Variants in ZNF335 observed in about 807,000 individuals in gnomAD.
The protein encoded by ZNF335 is zinc finger protein 335.
A neutral mutation model predicts 145.6 loss-of-function variants in ZNF335; 84 were observed. The ratio of observed to expected loss-of-function variants is 0.58; its 90% CI spans 0.48 to 0.69. The LOEUF is 0.69. Among genes scored for constraint, ZNF335 ranks in the 30% least tolerant of loss-of-function variants. ZNF335 has a pLI of 0.00. For missense variants in ZNF335, 1,865 were observed against 1,809.7 expected (o/e 1.03, Z -0.55); for synonymous variants, 761 against 717.0 (o/e 1.06, Z -0.98).
In ZNF335 at chr20:45,963,625, G is replaced by A; in HGVS notation, c.1381C>T (p.Leu461Phe). Reference protein sequence around the residue: ...RKYYYKSPKPLLRPFLCRICG... With the variant: ...RKYYYKSPKPFLRPFLCRICG... ...ATGCGGCACAGGAAGGGCCTCAAAA[G>A]TGGTTTGGGCGACTTGTAATAGTAC... Residue 461 changes from leucine to phenylalanine, a missense_variant, in exon 9 of 28, where the codon CTT becomes TTT. Leu to Phe is a conservative substitution (Grantham distance 22). Transcript: ENST00000322927. The A allele has an allele frequency of 6.2e-7, 1 of 1,614,242 alleles. No homozygotes were observed.
chr20:45,953,116 T>TG (rs1293472505), intron 18 of ZNF335, among the ~76,000 whole-genome samples: 1 of 152,202 alleles, frequency 6.6e-6, no homozygotes, highest in African/African-American at 2.4e-5. Flanking sequence ...GCCAAGGGCA[T>TG]GGGCCTGGGG....
In ZNF335 at chr20:45,949,830, G is replaced by C. The variant is rs191074858; in HGVS notation, c.3639C>G (p.Thr1213=). 1.2e-6 allele frequency: 2 copies of C among 1,614,084 alleles called. No individual in the cohort carries two copies. Among genetic ancestry groups the C allele is most frequent in the South Asian group, 1.1e-5 (1 of 91,082 alleles). Residue 1213 remains threonine, a synonymous_variant, in exon 24 of 28, where the codon ACC becomes ACG. Transcript: ENST00000322927. ...IQEITTADGQ[T]VQHLVTSDNQ... ...TGTCGGAGGTCACCAGGTGCTGTAC[G>C]GTCTGGCCATCTGCCGTGGTGATCT...
chr20:45,963,565 G>C lies in ZNF335; in HGVS notation c.1441C>G (p.Arg481Gly), dbSNP rs141481390. 117 of 1,614,100 alleles carry C rather than the reference G, an allele frequency of 7.2e-5. No homozygotes were observed. Among genetic ancestry groups the C allele is most frequent in the Non-Finnish European group, 1.0e-5 (12 of 1,180,052 alleles). The change falls in exon 9 of 28, where the codon CGC (arginine) becomes GGC (glycine). Residue 481 changes from arginine (R) to glycine (G), a missense_variant. Physicochemically the swap from Arg to Gly is moderately radical, Grantham distance 125. Coordinates refer to ENST00000322927, the MANE Select transcript of ZNF335 (RefSeq NM_022095.4). ...GSRFLSHEDLRFHVNSHEAGD... is the reference protein window; with the variant it reads ...GSRFLSHEDLGFHVNSHEAGD... ...GCCTCATGGGAGTTGACGTGGAAGC[G>C]CAGGTCCTCGTGGGACAGAAAGCGA...
At position 45,962,801 on chromosome 20, in the gene ZNF335, G is replaced by GTTT. The variant is rs1445107629; in HGVS notation, c.1534-622_1534-620dup. On this transcript the variant is annotated intron_variant, in intron 9 of 27. Coordinates refer to ENST00000322927, the MANE Select transcript of ZNF335 (RefSeq NM_022095.4). Reference sequence around the variant, plus strand: ...CTTGTGTTAAGGAGAAAAAGGAACCGTTTTTTTTTTTTTGTTTGTTTGTTT... The same window carrying GTTT: ...CTTGTGTTAAGGAGAAAAAGGAACCGTTTTTTTTTTTTTTTTGTTTGTTTGTTT... Among the ~76,000 whole-genome samples, 192 of 93,550 alleles carry GTTT rather than the reference G, an allele frequency of 2.1e-3. 24 individuals carry two copies. The highest frequency in any genetic ancestry group is 6.2e-3 in the African/African-American group (128 of 20,676). The allele number at this position is 93,550 out of a possible 152,430, so 61.4% of individuals were successfully genotyped here. A position where few individuals can be genotyped will look rare whatever the true frequency, so the allele number is the denominator to read the frequency against.
chr20:45,961,889 G>A, intron 10 of ZNF335, 181 bp downstream of exon 10: 1 of 593,572 alleles, frequency 1.7e-6, no homozygotes, highest in Middle Eastern at 4.5e-4. Flanking sequence ...GCCTGGTACT[G>A]TCCTGTTCTA....
Position 45,967,541 on chromosome 20 carries a change from T to G in ZNF335, c.908A>C (p.Glu303Ala). Residue 303 changes from glutamate to alanine, a missense_variant, in exon 6 of 28, where the codon GAG becomes GCG. By Grantham distance (107) the Glu-to-Ala change is moderately radical. Transcript: ENST00000322927. ...KSQEEEGPEE[E>A]DDDDIVDAGA... ...AGCGTCTACAATGTCATCATCGTCC[T>G]CCTCCTCTGGTCCCTCTTCCTCTTG... 1.9e-6 allele frequency: 3 copies of G among 1,613,940 alleles called. No individual in the cohort carries two copies. Among genetic ancestry groups the G allele is most frequent in the Non-Finnish European group, 2.5e-6 (3 of 1,179,964 alleles).
intron 3 of ZNF335, 27 bp downstream of exon 3, chr20:45,969,424 C>T (rs370436635): frequency 6.7e-7 from 1 of 1,491,094 alleles, no homozygotes; most frequent in Admixed American, 2.1e-5. Context: ...CAGGAAAACC[C>T]CTGTGGGGCT....
In ZNF335 at chr20:45,949,082, T is replaced by C. The variant is rs777070688; in HGVS notation, c.3902-2A>G. 4.3e-6 allele frequency: 7 copies of C among 1,613,726 alleles called. No homozygotes were observed. In the South Asian group the frequency reaches 7.7e-5, roughly 18 times the overall value. On this transcript the variant is annotated splice_acceptor_variant, in intron 27 of 27. Coordinates refer to ENST00000322927, the MANE Select transcript of ZNF335 (RefSeq NM_022095.4). LOFTEE classifies it high-confidence loss of function. ...GGGCCATGGCAGCATCAGCCACTGCTGCCAGGGGAGGGGAAAGTATGGTGA... is the reference window on the plus strand; with the variant it reads ...GGGCCATGGCAGCATCAGCCACTGCCGCCAGGGGAGGGGAAAGTATGGTGA...
At chr20:45,968,063 T>C (rs1268975979) in intron 4 of ZNF335, 36 bp from the exon 5 acceptor site, 2 of 1,610,900 alleles carry the variant, frequency 1.2e-6, no homozygotes, top group African/African-American at 1.3e-5. Context: ...GGTGGTTAAA[T>C]GGAGGGCAGC....
chr20:45,972,202 C>T lies in ZNF335; in HGVS notation c.-131G>A, dbSNP rs547485753. On this transcript the variant is annotated 5_prime_UTR_variant, in exon 1 of 28. Transcript: ENST00000322927. ...CCTCTTTCCTCCGCTGCGGAGGAAC[C>T]CATCGGCCTATTGTAGGCCGGAACT... 850 of 1,287,964 alleles carry T rather than the reference C, an allele frequency of 6.6e-4. 9 individuals are homozygous for T. The South Asian group carries it at 1.0e-2, about 15-fold the overall frequency. The allele number at this position is 1,287,964 out of a possible 1,614,324, so 79.8% of individuals were successfully genotyped here.
At chr20:45,952,817 G>T in intron 18 of ZNF335, 108 bp from the exon 19 acceptor site, 1 of 946,318 alleles carries the variant, frequency 1.1e-6, no homozygotes, top group Non-Finnish European at 1.6e-6. Context: ...ATGGACTCAA[G>T]TCAGAAGGGC....
chr20:45,954,349 G>C (rs943440489), intron 17 of ZNF335, among the ~76,000 whole-genome samples: 14 of 152,164 alleles, frequency 9.2e-5, no homozygotes, highest in African/African-American at 3.4e-4. Flanking sequence ...CTGCAGACAA[G>C]AAATACTGGG....
chr20:45,968,156 G>C, intron 4 of ZNF335, 129 bp from the exon 5 acceptor site: 1 of 1,504,800 alleles, frequency 6.6e-7, no homozygotes, highest in Non-Finnish European at 9.1e-7. Context: ...CAACCCGTCA[G>C]TAGGAAAACT....
chr20:45,969,754 C>A (rs1215934747), intron 2 of ZNF335, 63 bp from the exon 3 acceptor site: 1 of 1,571,562 alleles, frequency 6.4e-7, no homozygotes, highest in African/African-American at 1.3e-5. Flanking sequence ...GGGCAGCCTG[C>A]CAGCTCCCAC....
At chr20:45,963,217 A>C (rs1770436652) in intron 9 of ZNF335, among the ~76,000 whole-genome samples, 1 of 152,162 alleles carries the variant, frequency 6.6e-6, no homozygotes, top group Admixed American at 6.5e-5. Flanking sequence ...GGTGGTGAAG[A>C]TATGCTGCCA....
intron 6 of ZNF335, 51 bp downstream of exon 6, chr20:45,967,443 T>C (rs769918470): frequency 1.2e-6 from 2 of 1,613,718 alleles, no homozygotes; most frequent in Non-Finnish European, 1.7e-6. Context: ...GCTCAGTGAG[T>C]ATGTCTAGAT....
intron 14 of ZNF335, 75 bp downstream of exon 14, chr20:45,960,133 T>G: frequency 1.3e-6 from 2 of 1,539,364 alleles, no homozygotes; most frequent in East Asian, 2.3e-5. Flanking sequence ...AGGAAGAGGA[T>G]GGGAGCTAAG....
At chr20:45,960,159 A>G (rs1390770249) in intron 14 of ZNF335, 49 bp downstream of exon 14, 1 of 1,604,748 alleles carries the variant, frequency 6.2e-7, no homozygotes, top group South Asian at 1.1e-5. Flanking sequence ...GATCAGGGGT[A>G]CAGGGCACTG....
At chr20:45,966,237 A>T (rs920577662) in intron 6 of ZNF335, among the ~76,000 whole-genome samples, 4 of 144,702 alleles carry the variant, frequency 2.8e-5, no homozygotes, top group African/African-American at 2.5e-5. Flanking sequence ...CTCACCAATA[A>T]TTTTTTTTTT....
Sources: gnomAD v4.1 joint callset for allele counts (sites outside exome capture counted in the v4.1 genomes callset) on GRCh38, gnomAD v4.1.1 for gene constraint, MANE v1.5 for transcripts, NCBI Gene and HGNC (gene_info 2026-07-23, HGNC 2026-07-21) for gene names.